Variants in USP24 observed in about 807,000 individuals in gnomAD.
The protein encoded by USP24 is ubiquitin specific peptidase 24.
A neutral mutation model predicts 361.6 loss-of-function variants in USP24; 97 were observed. The observed-to-expected ratio is 0.27, with a 90% CI of 0.23 to 0.32. The LOEUF is 0.32. Ranked by LOEUF, USP24 falls within the 10% of genes least tolerant of loss-of-function variation. The probability of loss-of-function intolerance (pLI) is 1.00; values close to 1 mark genes in which losing one functional copy is unlikely to be tolerated. For missense variants in USP24, 2,353 were observed against 3,165.6 expected, an observed-to-expected ratio of 0.74 and a Z score of 6.16; for synonymous variants, 1,098 against 1,124.6, an observed-to-expected ratio of 0.98 and a Z score of 0.47.
chr1:55,134,967 G>A (rs1423510434), intron 28 of USP24, among the ~76,000 whole-genome samples: 1 of 152,110 alleles, frequency 6.6e-6, no homozygotes, highest in Non-Finnish European at 1.5e-5. Context: ...TAAGGAATAA[G>A]AAATCGGACA....
chr1:55,149,434 A>C (rs1257732552), intron 16 of USP24, among the ~76,000 whole-genome samples: 3 of 152,164 alleles, frequency 2.0e-5, no homozygotes, highest in Non-Finnish European at 2.9e-5. Flanking sequence ...ATTGAGCCTT[A>C]GTGTAAGATG....
At chr1:55,070,006 T>C (rs1644888361) in intron 67 of USP24, among the ~76,000 whole-genome samples, 1 of 150,940 alleles carries the variant, frequency 6.6e-6, no homozygotes, top group South Asian at 2.1e-4. Flanking sequence ...TTTTAGTGCA[T>C]GAACCAGAGA....
intron 32 of USP24, among the ~76,000 whole-genome samples, chr1:55,127,877 G>A (rs1646481338): frequency 1.3e-5 from 2 of 151,996 alleles, no homozygotes; most frequent in Non-Finnish European, 2.9e-5. Flanking sequence ...CATCTGAAAG[G>A]AGAGATCTCT....
At chr1:55,204,795 A>C (rs1377571513) in intron 1 of USP24, among the ~76,000 whole-genome samples, 4 of 152,212 alleles carry the variant, frequency 2.6e-5, no homozygotes, top group African/African-American at 9.6e-5. Context: ...AACTTACTGA[A>C]TGGTTATTTT....
rs1166065153 is a variant in USP24 at position 55,067,176 on chromosome 1, G to A, written c.*1869C>T. ...CACTCCTGATTTTGGGCTCCTGAGA[G>A]TGCAGTCGCCAGCGATGATATCCCA... On this transcript the variant is annotated 3_prime_UTR_variant, in exon 68 of 68. Transcript: ENST00000294383. 1 of 152,186 alleles carries A rather than the reference G, an allele frequency of 6.6e-6. No individual in the cohort carries two copies. Among genetic ancestry groups the A allele is most frequent in the Non-Finnish European group, 1.5e-5 (1 of 68,046 alleles). 9.4% of individuals were successfully genotyped at this position (152,186 alleles called of 1,614,324 possible). A position where few individuals can be genotyped will look rare whatever the true frequency, so the allele number is the denominator to read the frequency against.
At chr1:55,138,056 C>A (rs111564370) in intron 26 of USP24, among the ~76,000 whole-genome samples, 152 bp from the exon 27 acceptor site, 52 of 152,034 alleles carry the variant, frequency 3.4e-4, no homozygotes, top group African/African-American at 1.3e-3. Flanking sequence ...CCTCGTGAGG[C>A]TTCCCTTCTG....
rs370651239 is a variant in USP24 at position 55,178,797 on chromosome 1, G to A, written c.325-665C>T. 8.4e-4 allele frequency among the ~76,000 whole-genome samples: 128 copies of A among 152,184 alleles called. 4 individuals carry two copies. The South Asian group carries it at 0.025, about 30-fold the overall frequency. ...CCCTAGCACTTTGGGAGGCTGAGGT[G>A]GGAGGATCACTTGAGCTCAGGAGTT... On this transcript the variant is annotated intron_variant, in intron 1 of 67. Coordinates refer to ENST00000294383, the MANE Select transcript of USP24 (RefSeq NM_015306.3).
Position 55,125,494 on chromosome 1 carries a change from T to C in USP24, c.3786A>G (p.Lys1262=). 1 of 1,613,996 alleles carries C rather than the reference T, an allele frequency of 6.2e-7. No homozygotes were observed. The highest frequency in any genetic ancestry group is 8.5e-7 in the Non-Finnish European group (1 of 1,179,878). Residue 1262 remains lysine (K), a synonymous_variant, in exon 34 of 68, where the codon AAA becomes AAG. Transcript: ENST00000294383. ...GGGAAGAAAGTGCTTCTATACCATC[T>C]TTGGTGAGGTCTTCATCTAATAACG... ...MPTLLDEDLT[K]DGIEALSSRP...
At chr1:55,163,281 G>C (rs766990971) in intron 7 of USP24, among the ~76,000 whole-genome samples, 2 of 151,830 alleles carry the variant, frequency 1.3e-5, no homozygotes, top group Non-Finnish European at 2.9e-5. Context: ...ATTTGACTAC[G>C]TAAAAGTCTG....
chr1:55,188,423 G>GA (rs1644192960), intron 1 of USP24, among the ~76,000 whole-genome samples: 1 of 151,534 alleles, frequency 6.6e-6, no homozygotes, highest in South Asian at 2.1e-4. Context: ...TCTACAGAAT[G>GA]AGAAACAGTA....
At chr1:55,163,652 A>G (rs1369589558) in intron 7 of USP24, among the ~76,000 whole-genome samples, 1 of 152,108 alleles carries the variant, frequency 6.6e-6, no homozygotes, top group Non-Finnish European at 1.5e-5. Flanking sequence ...CTGATGGGCA[A>G]AAAAGCTTTT....
chr1:55,067,037 GTA>G lies in USP24; in HGVS notation c.*2006_*2007del, dbSNP rs1373623897. The G allele has an allele frequency of 6.6e-6, 1 of 152,186 alleles. No homozygotes were observed. Among genetic ancestry groups the G allele is most frequent in the Non-Finnish European group, 1.5e-5 (1 of 68,046 alleles). 9.4% of individuals were successfully genotyped at this position (152,186 alleles called of 1,614,324 possible). A position where few individuals can be genotyped will look rare whatever the true frequency, so the allele number is the denominator to read the frequency against. On this transcript the variant is annotated 3_prime_UTR_variant, in exon 68 of 68. Transcript: ENST00000294383. ...CAATATAAGCAACATGATCTGAAGCGTATAATATACACGGTGGACGATCCTGA... is the reference window on the plus strand; with the variant it reads ...CAATATAAGCAACATGATCTGAAGCGTAATATACACGGTGGACGATCCTGA...
At chr1:55,074,476 A>C (rs1256296121) in intron 63 of USP24, among the ~76,000 whole-genome samples, 2 of 152,112 alleles carry the variant, frequency 1.3e-5, no homozygotes, top group African/African-American at 2.4e-5. Context: ...TCTACAAAAA[A>C]ATACAAAAAT....
intron 59 of USP24, among the ~76,000 whole-genome samples, chr1:55,080,154 A>G (rs889447367): frequency 6.6e-6 from 1 of 152,196 alleles, no homozygotes; most frequent in African/African-American, 2.4e-5. Context: ...AGCAGAATCA[A>G]CCCATATAGA....
In USP24 at chr1:55,068,587, A is replaced by G. The variant is rs1277393184; in HGVS notation, c.*458T>C. 1 of 157,146 alleles carries G rather than the reference A, an allele frequency of 6.4e-6. No homozygotes were observed. Among genetic ancestry groups the G allele is most frequent in the Non-Finnish European group, 1.4e-5 (1 of 71,582 alleles). The allele number at this position is 157,146 out of a possible 1,614,324, so 9.7% of individuals were successfully genotyped here. ...TTATTACATCTTTACATCATTTTAA[A>G]TTGGATATTCCTGTTTAATATTACT... On this transcript the variant is annotated 3_prime_UTR_variant, in exon 68 of 68. Coordinates refer to ENST00000294383, the MANE Select transcript of USP24 (RefSeq NM_015306.3).
intron 47 of USP24, 109 bp from the exon 48 acceptor site, chr1:55,097,826 A>G: frequency 6.6e-7 from 1 of 1,507,774 alleles, no homozygotes; most frequent in Non-Finnish European, 8.9e-7. Flanking sequence ...GAAAACAAGT[A>G]ATGACACAAT....
In USP24 at chr1:55,147,165, C is replaced by T. The variant is rs953891888; in HGVS notation, c.2119-105G>A. 23 of 1,135,590 alleles carry T rather than the reference C, an allele frequency of 2.0e-5. No homozygotes were observed. The African/African-American group carries it at 3.8e-4, about 19-fold the overall frequency. The allele number at this position is 1,135,590 out of a possible 1,614,324, so 70.3% of individuals were successfully genotyped here. On this transcript the variant is annotated intron_variant, in intron 18 of 67. Coordinates refer to ENST00000294383, the MANE Select transcript of USP24 (RefSeq NM_015306.3). ...AGTTTTAACAACAGTTTTACTTAAT[C>T]CTTTTTCATATAATTTAGGGTAAAG...
At chr1:55,171,763 C>G (rs987190452) in intron 4 of USP24, 85 bp from the exon 5 acceptor site, 6 of 1,391,690 alleles carry the variant, frequency 4.3e-6, no homozygotes, top group Non-Finnish European at 5.9e-6. Context: ...AAAAATATAG[C>G]CTTTGACTCC....
At chr1:55,196,432 A>C (rs987126005) in intron 1 of USP24, among the ~76,000 whole-genome samples, 1 of 152,170 alleles carries the variant, frequency 6.6e-6, no homozygotes, top group Non-Finnish European at 1.5e-5. Flanking sequence ...CTAAGAATTG[A>C]CTGTGTTGGG....
Sources: allele counts gnomAD v4.1 joint callset (sites outside exome capture counted in the v4.1 genomes callset), GRCh38; gene constraint gnomAD v4.1.1; transcripts MANE v1.5; gene names NCBI Gene and HGNC (gene_info 2026-07-23, HGNC 2026-07-21).